Variants in PJVK observed in about 807,000 individuals in gnomAD.
PJVK encodes the protein pejvakin, also known as autosomal recessive deafness type 59 protein.
In PJVK, 33 loss-of-function variants were observed where a neutral mutation model predicts 37.6. That is an observed-to-expected ratio of 0.88 (90% confidence interval 0.67 to 1.17). The LOEUF is 1.17. PJVK is among the 50% of genes most tolerant of loss of function. The pLI, the probability that PJVK is intolerant of heterozygous loss-of-function variation, is 0.00. For missense variants in PJVK, 410 were observed against 413.8 expected (o/e 0.99, Z 0.08); for synonymous variants, 141 against 143.5 (o/e 0.98, Z 0.13).
Position 178,461,337 on chromosome 2 carries a change from A to T in PJVK, c.*63A>T. 18 of 1,577,986 alleles carry T rather than the reference A, an allele frequency of 1.1e-5. No individual in the cohort carries two copies. The highest frequency in any genetic ancestry group is 1.6e-5 in the Non-Finnish European group (18 of 1,152,420). ...CAGTTGTGCCACAAACCTTCCCTAAATTATCTAGGTTTGCTTTGATGAATT... is the reference window on the plus strand; with the variant it reads ...CAGTTGTGCCACAAACCTTCCCTAATTTATCTAGGTTTGCTTTGATGAATT... On this transcript the variant is annotated 3_prime_UTR_variant, in exon 7 of 7. Transcript: ENST00000644580.
intron 6 of PJVK, 54 bp downstream of exon 6, chr2:178,460,500 A>G: frequency 2.7e-6 from 4 of 1,481,874 alleles, no homozygotes; most frequent in Non-Finnish European, 3.8e-6. Context: ...TCCTGGCTTA[A>G]CACATGAGGT....
At chr2:178,459,040 A>G (rs891338711) in intron 5 of PJVK, among the ~76,000 whole-genome samples, 1 of 152,212 alleles carries the variant, frequency 6.6e-6, no homozygotes, top group African/African-American at 2.4e-5. Flanking sequence ...CTCTAAAGAC[A>G]GCTTTTCTTA....
chr2:178,459,298 C>T (rs7600176), intron 5 of PJVK: 119,731 of 442,890 alleles, frequency 0.27, 18,970 homozygotes, highest in East Asian at 0.65. Flanking sequence ...TAGACCTGTT[C>T]TTGTTCATTT....
intron 3 of PJVK, 47 bp downstream of exon 3, chr2:178,454,574 TTAGG>T: frequency 4.5e-6 from 7 of 1,564,880 alleles, no homozygotes; most frequent in Non-Finnish European, 6.1e-6. Context: ...ATTAAATACT[TTAGG>T]TATATAAACT....
intron 3 of PJVK, chr2:178,455,566 T>C (rs1684005536): frequency 1.5e-6 from 1 of 670,328 alleles, no homozygotes; most frequent in Non-Finnish European, 2.7e-6. Flanking sequence ...TCCCAGGGCA[T>C]CAGGAGAAAG....
In PJVK at chr2:178,461,203, G is replaced by T; in HGVS notation, c.988G>T (p.Val330Phe). The T allele has an allele frequency of 6.2e-7, 1 of 1,614,156 alleles. No individual in the cohort carries two copies. Among genetic ancestry groups the T allele is most frequent in the African/African-American group, 1.3e-5 (1 of 75,048 alleles). Residue 330 changes from valine to phenylalanine, a missense_variant, in exon 7 of 7, where the codon GTT (valine) becomes TTT (phenylalanine). Val to Phe is a conservative substitution (Grantham distance 50, BLOSUM62 -1). Coordinates refer to ENST00000644580, the MANE Select transcript of PJVK (RefSeq NM_001042702.5). ...AGTTTATGGGTGCTTTCAGTGTTCT[G>T]TTGATGGTCAGAAGTATGTGAGACT... The part of the protein sequence containing the change: ...ETVYGCFQCS[V>F]DGQKYVRLHA...
chr2:178,455,643 TAA>T (rs373644585), intron 3 of PJVK, among the ~76,000 whole-genome samples: 8 of 126,702 alleles, frequency 6.3e-5, no homozygotes, highest in Admixed American at 1.6e-4. Flanking sequence ...TTTGCCCAGC[TAA>T]AAAAAAAAAA....
intron 6 of PJVK, 53 bp from the exon 7 acceptor site, chr2:178,460,929 G>A: frequency 4.4e-6 from 6 of 1,369,046 alleles, no homozygotes; most frequent in South Asian, 2.3e-5. Context: ...TTTGCATTAT[G>A]TATTTTTCAT....
intron 4 of PJVK, 107 bp from the exon 5 acceptor site, chr2:178,458,403 A>G: frequency 1.1e-6 from 1 of 903,074 alleles, no homozygotes; most frequent in South Asian, 1.6e-5. Context: ...TTACTTGGGA[A>G]TTTTTTGTTT....
chr2:178,457,341 T>C lies in PJVK; in HGVS notation c.550-1169T>C, dbSNP rs184786639. Among the ~76,000 whole-genome samples the C allele has an allele frequency of 1.5e-3, 221 of 152,314 alleles. 5 individuals carry two copies. In the South Asian group the frequency reaches 0.022, roughly 15 times the overall value. On this transcript the variant is annotated intron_variant, in intron 4 of 6. Transcript: ENST00000644580. ...CCTTTAAAAAATATTAGCGGCAAGG[T>C]GCAGTGGATCATGCCTGTAATCCCA...
chr2:178,460,378 G>T lies in PJVK; in HGVS notation c.698G>T (p.Gly233Val). The change falls in exon 6 of 7, where the codon GGA (glycine) becomes GTA (valine). Residue 233 changes from glycine (G) to valine (V), a missense_variant. Physicochemically the swap from Gly to Val is moderately radical, Grantham distance 109. Coordinates refer to ENST00000644580, the MANE Select transcript of PJVK (RefSeq NM_001042702.5). ...TGTGTCACTTCAGTGTCAAAAGGAG[G>T]ATTTGAAAGGGAAGAAACGGCAACA... Reference protein sequence around the residue: ...DLCVTSVSKGGFEREETATFA... With the variant: ...DLCVTSVSKGVFEREETATFA... 6.2e-7 allele frequency: 1 copy of T among 1,614,066 alleles called. No homozygotes were observed. The highest frequency in any genetic ancestry group is 8.5e-7 in the Non-Finnish European group (1 of 1,179,970).
At chr2:178,456,359 C>CA in intron 4 of PJVK, 1 of 612,052 alleles carries the variant, frequency 1.6e-6, no homozygotes, top group South Asian at 2.0e-5. Context: ...TAATATAATG[C>CA]AAAAACAGTA....
chr2:178,452,721 G>C (rs948222645), intron 1 of PJVK: 1 of 759,624 alleles, frequency 1.3e-6, no homozygotes, highest in Non-Finnish European at 1.6e-6. Flanking sequence ...CCCAACTTCA[G>C]AGTAAGAAAC....
In PJVK at chr2:178,454,405, T is replaced by C. The variant is rs370644329; in HGVS notation, c.285T>C (p.His95=). 9.3e-6 allele frequency: 15 copies of C among 1,613,906 alleles called. No homozygotes were observed. The African/African-American group carries it at 1.7e-4, about 19-fold the overall frequency. ...DVSLYGRRGN[H]IVNDVGINVA... is the part of the protein sequence containing the mutation. ...CACTCTATGGAAGGCGAGGTAACCA[T>C]ATTGTAAATGACGTTGGGATTAACG... The change falls in exon 3 of 7, where the codon CAT becomes CAC. Residue 95 remains histidine (H), a synonymous_variant. Coordinates refer to ENST00000644580, the MANE Select transcript of PJVK (RefSeq NM_001042702.5).
intron 3 of PJVK, chr2:178,455,216 C>A: frequency 6.4e-7 from 1 of 1,566,722 alleles, no homozygotes; most frequent in Non-Finnish European, 8.8e-7. Context: ...GTCCAGTGAC[C>A]CTGAGATCAA....
At chr2:178,456,224 T>C in intron 4 of PJVK, 73 bp downstream of exon 4, 2 of 1,551,090 alleles carry the variant, frequency 1.3e-6, no homozygotes, top group Non-Finnish European at 1.8e-6. Flanking sequence ...ATTGAATTTC[T>C]AGTCAGGCTT....
chr2:178,454,115 G>A lies in PJVK; in HGVS notation c.212-217G>A, dbSNP rs568643559. Reference sequence around the variant, plus strand: ...ATCTTGATGCTTAAGAAGTTCTGTTGGCTGAATAGAAAATTTGAGTTCCTT... The same window carrying A: ...ATCTTGATGCTTAAGAAGTTCTGTTAGCTGAATAGAAAATTTGAGTTCCTT... On this transcript the variant is annotated intron_variant, in intron 2 of 6. Transcript: ENST00000644580. 10 of 451,010 alleles carry A rather than the reference G, an allele frequency of 2.2e-5. No individual in the cohort carries two copies. The South Asian group carries it at 3.1e-4, about 14-fold the overall frequency. The allele number at this position is 451,010 out of a possible 1,614,324, so 27.9% of individuals were successfully genotyped here.
rs1402353785 is a variant in PJVK at position 178,453,608 on chromosome 2, G to T, written c.199G>T (p.Glu67Ter). The T allele has an allele frequency of 1.2e-6, 2 of 1,612,388 alleles. No homozygotes were observed. Among genetic ancestry groups the T allele is most frequent in the South Asian group, 1.1e-5 (1 of 90,788 alleles). The change falls in exon 2 of 7, where the codon GAA (glutamate) becomes TAA (stop). Residue 67 changes from glutamate (E) to a stop codon, truncating the protein, a stop_gained. Coordinates refer to ENST00000644580, the MANE Select transcript of PJVK (RefSeq NM_001042702.5). LOFTEE classifies it high-confidence loss of function. ...TLKDILLGDR[E>*]ISAGISSYQL... ...GAAAGATATTCTCCTAGGAGACAGAGAAATTTCAGCTGGTAAGTTTAAATG... is the reference window on the plus strand; with the variant it reads ...GAAAGATATTCTCCTAGGAGACAGATAAATTTCAGCTGGTAAGTTTAAATG...
At position 178,451,741 on chromosome 2, in the gene PJVK, T is replaced by C. The variant is rs1184614186; in HGVS notation, c.-51T>C. ...CCGCCGGGCGGGCTCCTTTGTCTTC[T>C]GGGCTTTCGTCGCGAGATGGAACGC... On this transcript the variant is annotated 5_prime_UTR_variant, in exon 1 of 7. Coordinates refer to ENST00000644580, the MANE Select transcript of PJVK (RefSeq NM_001042702.5). 9 of 984,714 alleles carry C rather than the reference T, an allele frequency of 9.1e-6. No individual in the cohort carries two copies. Among genetic ancestry groups the C allele is most frequent in the Non-Finnish European group, 1.1e-5 (9 of 829,282 alleles). 61.0% of individuals were successfully genotyped at this position (984,714 alleles called of 1,614,324 possible).
Sources: gnomAD v4.1 joint callset for allele counts (sites outside exome capture counted in the v4.1 genomes callset) on GRCh38, gnomAD v4.1.1 for gene constraint, MANE v1.5 for transcripts, NCBI Gene and HGNC (gene_info 2026-07-23, HGNC 2026-07-21) for gene names.